Variants in NSA2 observed in about 807,000 individuals in gnomAD.
The protein encoded by NSA2 is NSA2 ribosome biogenesis factor.
NSA2 carries 18 observed loss-of-function variants against 34.8 expected under a neutral mutation model. That is an observed-to-expected ratio of 0.52 (90% CI 0.36 to 0.77). The LOEUF (loss-of-function observed/expected upper bound fraction) is 0.77. NSA2 is among the 30% of genes least tolerant of loss of function. The pLI is 0.00. For missense variants in NSA2, 188 were observed against 314.7 expected (o/e 0.60, Z 3.05); for synonymous variants, 79 against 100.2 (o/e 0.79, Z 1.26).
chr5:74,767,879 A>C (rs1561272441), intron 1 of NSA2, among the ~76,000 whole-genome samples: 1 of 152,198 alleles, frequency 6.6e-6, no homozygotes, highest in Non-Finnish European at 1.5e-5. Context: ...TCTTTGCAAA[A>C]TGGCATTCCA....
chr5:74,769,361 G>T lies in NSA2; in HGVS notation c.339G>T (p.Lys113Asn), dbSNP rs1316751121. The T allele has an allele frequency of 6.3e-7, 1 of 1,594,424 alleles. No homozygotes were observed. Among genetic ancestry groups the T allele is most frequent in the Non-Finnish European group, 8.5e-7 (1 of 1,174,578 alleles). ...TGATTAAACAGAAAAGAAAAGAGAA[G>T]GCGGTAAGCAATAACAATTGAAGTC... is the stretch of plus-strand genomic sequence containing the variant. Reference protein sequence around the residue: ...SNMIKQKRKEKAGKWEVPLPK... With the variant: ...SNMIKQKRKENAGKWEVPLPK... Residue 113 changes from lysine (K) to asparagine (N), a missense_variant, in exon 3 of 6, where the codon AAG becomes AAT. Coordinates refer to ENST00000610426, the MANE Select transcript of NSA2 (RefSeq NM_014886.6).
At chr5:74,772,556 A>T (rs780116620) in intron 4 of NSA2, among the ~76,000 whole-genome samples, 1 of 152,230 alleles carries the variant, frequency 6.6e-6, no homozygotes, top group Non-Finnish European at 1.5e-5. Context: ...GTTGCAACAG[A>T]GGCCATATGG....
Position 74,778,880 on chromosome 5 carries a change from TAATTGTGAA to T in NSA2, c.*2211_*2219del, listed in dbSNP as rs1298666576. On this transcript the variant is annotated 3_prime_UTR_variant, in exon 6 of 6. Coordinates refer to ENST00000610426, the MANE Select transcript of NSA2 (RefSeq NM_014886.6). The stretch of plus-strand genomic sequence containing the variant: ...TTGAAATCACATTTTCAGTCCTCTG[TAATTGTGAA>T]ATTTTTTCTAATGCCTTGCAAAAAC... 4 of 152,130 alleles carry T rather than the reference TAATTGTGAA, an allele frequency of 2.6e-5. No individual in the cohort carries two copies. Among genetic ancestry groups the T allele is most frequent in the Admixed American group, 1.3e-4 (2 of 15,282 alleles). 9.4% of individuals were successfully genotyped at this position (152,130 alleles called of 1,614,324 possible).
At chr5:74,767,483 A>G (rs1482463065) in intron 1 of NSA2, 120 bp downstream of exon 1, 1 of 1,246,288 alleles carries the variant, frequency 8.0e-7, no homozygotes, top group Non-Finnish European at 1.2e-6. Flanking sequence ...CTGCCAAGAG[A>G]AAAGGATGGT....
At chr5:74,769,532 T>A (rs943147734) in intron 3 of NSA2, 168 bp downstream of exon 3, 3 of 517,954 alleles carry the variant, frequency 5.8e-6, no homozygotes, top group Admixed American at 4.0e-5. Context: ...TTTCTCATCA[T>A]AAGGTTTTAA....
intron 4 of NSA2, among the ~76,000 whole-genome samples, chr5:74,772,513 A>G (rs1473037154): frequency 6.6e-6 from 1 of 152,234 alleles, no homozygotes; most frequent in Non-Finnish European, 1.5e-5. Context: ...GTTCATTTAC[A>G]TATTGCATAA....
At position 74,777,852 on chromosome 5, in the gene NSA2, A is replaced by AT. The variant is rs1745199868; in HGVS notation, c.*1187dup. 1 of 152,146 alleles carries AT rather than the reference A, an allele frequency of 6.6e-6. No homozygotes were observed. Among genetic ancestry groups the AT allele is most frequent in the East Asian group, 1.9e-4 (1 of 5,180 alleles). The allele number at this position is 152,146 out of a possible 1,614,324, so 9.4% of individuals were successfully genotyped here. A position where few individuals can be genotyped will look rare whatever the true frequency, so the allele number is the denominator to read the frequency against. On this transcript the variant is annotated 3_prime_UTR_variant, in exon 6 of 6. Coordinates refer to ENST00000610426, the MANE Select transcript of NSA2 (RefSeq NM_014886.6). ...GACTTGCTACTCTGAATAATGTAACATTTTTTCTAAGTTCTATAAATATAT... is the reference window on the plus strand; with the variant it reads ...GACTTGCTACTCTGAATAATGTAACATTTTTTTCTAAGTTCTATAAATATAT...
intron 5 of NSA2, among the ~76,000 whole-genome samples, chr5:74,774,970 C>T (rs1024925232): frequency 2.0e-5 from 3 of 152,094 alleles, no homozygotes; most frequent in African/African-American, 7.2e-5. Flanking sequence ...AATCCCAGCA[C>T]TTTGGGAGGC....
chr5:74,767,678 G>A (rs1384671730), intron 1 of NSA2, among the ~76,000 whole-genome samples: 2 of 152,158 alleles, frequency 1.3e-5, no homozygotes, highest in Non-Finnish European at 2.9e-5. Flanking sequence ...CAGCCCCAGA[G>A]CCTAATGGGA....
At chr5:74,772,193 C>T (rs1181538132) in intron 4 of NSA2, among the ~76,000 whole-genome samples, 2 of 149,346 alleles carry the variant, frequency 1.3e-5, no homozygotes, top group Non-Finnish European at 3.0e-5. Context: ...GGCACGATCT[C>T]GGCTCACTGC....
At position 74,773,232 on chromosome 5, in the gene NSA2, G is replaced by C. The variant is rs534459177; in HGVS notation, c.523-636G>C. ...TTGTGTTTAAGTGAGCCAGTTGTGA[G>C]CTAGCATAGTGGCCTGGTATATATA... On this transcript the variant is annotated intron_variant, in intron 4 of 5. Transcript: ENST00000610426. 2.0e-5 allele frequency among the ~76,000 whole-genome samples: 3 copies of C among 152,154 alleles called. No homozygotes were observed. The South Asian group carries it at 6.2e-4, about 32-fold the overall frequency.
intron 5 of NSA2, 37 bp from the exon 6 acceptor site, chr5:74,776,566 AC>A (rs1435434616): frequency 2.8e-6 from 3 of 1,052,688 alleles, no homozygotes; most frequent in Non-Finnish European, 4.5e-6. Context: ...TTAGCTAACA[AC>A]CCTCCCTTTT....
intron 5 of NSA2, among the ~76,000 whole-genome samples, chr5:74,774,874 A>C (rs1745060301): frequency 6.6e-6 from 1 of 152,178 alleles, no homozygotes; most frequent in Non-Finnish European, 1.5e-5. Flanking sequence ...AAGAGAAAAT[A>C]CCTATTACAT....
Position 74,769,401 on chromosome 5 carries a change from G to C in NSA2, c.342+37G>C, listed in dbSNP as rs754348857. The C allele has an allele frequency of 8.5e-6, 13 of 1,534,010 alleles. No homozygotes were observed. In the Admixed American group the frequency reaches 2.8e-4, roughly 33 times the overall value. ...CAATTGAAGTCTTTGTTTTGTTTAG[G>C]AGAATTACTTAAATTCAAATTTGAG... On this transcript the variant is annotated intron_variant, in intron 3 of 5. Coordinates refer to ENST00000610426, the MANE Select transcript of NSA2 (RefSeq NM_014886.6).
At position 74,769,131 on chromosome 5, in the gene NSA2, A is replaced by G; in HGVS notation, c.191+13A>G. 1 of 1,598,962 alleles carries G rather than the reference A, an allele frequency of 6.3e-7. No individual in the cohort carries two copies. The highest frequency in any genetic ancestry group is 8.5e-7 in the Non-Finnish European group (1 of 1,175,142). ...AAATGAAAAAGACGTAAGTGGTCTC[A>G]TTTATTTGTCATAACAAGTTAACAT... On this transcript the variant is annotated intron_variant, in intron 2 of 5. Coordinates refer to ENST00000610426, the MANE Select transcript of NSA2 (RefSeq NM_014886.6).
In NSA2 at chr5:74,771,212, G is replaced by A. The variant is rs536698481; in HGVS notation, c.522+402G>A. On this transcript the variant is annotated intron_variant, in intron 4 of 5. Transcript: ENST00000610426. ...GGAGAATCGCTTGAACCTGGGAGGC[G>A]GAGGTTGCAGTGAGCTGAGATCACG... Among the ~76,000 whole-genome samples the A allele has an allele frequency of 3.1e-3, 473 of 151,214 alleles. 3 individuals carry two copies. Among genetic ancestry groups the A allele is most frequent in the African/African-American group, 0.011 (436 of 41,172 alleles).
rs1745146433 is a variant in NSA2 at position 74,776,794 on chromosome 5, T to TAAAC, written c.*125_*128dup. 1.0e-5 allele frequency: 6 copies of TAAAC among 599,292 alleles called. No homozygotes were observed. Among genetic ancestry groups the TAAAC allele is most frequent in the Non-Finnish European group, 1.5e-5 (5 of 328,830 alleles). The allele number at this position is 599,292 out of a possible 1,614,324, so 37.1% of individuals were successfully genotyped here. On this transcript the variant is annotated 3_prime_UTR_variant, in exon 6 of 6. Transcript: ENST00000610426. ...TGCAATGAAGAGATTTATTAAATTG[T>TAAAC]AAACATTAAAGTGGTCCAGTTTTAT...
intron 4 of NSA2, among the ~76,000 whole-genome samples, chr5:74,772,171 C>G (rs1270057854): frequency 1.4e-5 from 2 of 147,956 alleles, no homozygotes; most frequent in Non-Finnish European, 3.0e-5. Flanking sequence ...GTATCCCAGG[C>G]GGGAGTGCAG....
intron 4 of NSA2, chr5:74,771,533 A>G (rs942923556): frequency 6.6e-6 from 1 of 152,082 alleles, no homozygotes; most frequent in South Asian, 2.1e-4. Flanking sequence ...TTTGATAAGG[A>G]AAGTATCTAA....
Sources: allele counts gnomAD v4.1 joint callset (sites outside exome capture counted in the v4.1 genomes callset), GRCh38; gene constraint gnomAD v4.1.1; transcripts MANE v1.5; gene names NCBI Gene and HGNC (gene_info 2026-07-23, HGNC 2026-07-21).